Variants in NIPA1 observed in about 807,000 individuals in gnomAD.
NIPA1 encodes magnesium transporter NIPA1.
In NIPA1, 13 loss-of-function variants were observed where a neutral mutation model predicts 23.9. The ratio of observed to expected loss-of-function variants is 0.54; its 90% confidence interval spans 0.35 to 0.87. The LOEUF (loss-of-function observed/expected upper bound fraction) is 0.87. NIPA1 is among the 40% of genes least tolerant of loss of function. The pLI is 0.01. For synonymous variants in NIPA1, 234 were observed against 202.9 expected, an observed-to-expected ratio of 1.15 and a Z score of -1.30; for missense variants, 362 against 429.7, an observed-to-expected ratio of 0.84 and a Z score of 1.39.
chr15:22,809,933 C>G (rs1463095067), intron 1 of NIPA1, among the ~76,000 whole-genome samples: 1 of 152,074 alleles, frequency 6.6e-6, no homozygotes, highest in Non-Finnish European at 1.5e-5. Flanking sequence ...ATCCCAGCTA[C>G]TAGGGAGGGT....
chr15:22,813,188 A>G (rs1479672193), intron 3 of NIPA1, among the ~76,000 whole-genome samples: 1 of 152,142 alleles, frequency 6.6e-6, no homozygotes, highest in Non-Finnish European at 1.5e-5. Flanking sequence ...CCGGGCTGGC[A>G]TGGAGTGAAG....
chr15:22,824,542 C>A lies in NIPA1; in HGVS notation c.*303C>A. ...ATTCTCTTCTTTTAAAACATTTTAA[C>A]ATTATTTAAACAGAAAAAGATGGGC... On this transcript the variant is annotated 3_prime_UTR_variant, in exon 5 of 5. Transcript: ENST00000337435. The surrounding 1 kb of genome is among the most constrained non-coding windows in gnomAD (Gnocchi z 4.1). 1 of 377,040 alleles carries A rather than the reference C, an allele frequency of 2.7e-6. No individual in the cohort carries two copies. Among genetic ancestry groups the A allele is most frequent in the South Asian group, 2.8e-5 (1 of 35,786 alleles). The allele number at this position is 377,040 out of a possible 1,614,324, so 23.4% of individuals were successfully genotyped here.
chr15:22,819,618 T>A (rs1895495262), intron 3 of NIPA1, among the ~76,000 whole-genome samples: 1 of 152,230 alleles, frequency 6.6e-6, no homozygotes, highest in African/African-American at 2.4e-5. Context: ...CTATTAGCAT[T>A]TTTATTTTTT....
intron 1 of NIPA1, among the ~76,000 whole-genome samples, chr15:22,797,045 T>TC (rs1449890898): frequency 6.9e-6 from 1 of 144,996 alleles, no homozygotes; most frequent in Non-Finnish European, 1.5e-5. Flanking sequence ...TGAGGTTTCT[T>TC]TTTTTTTTTT....
intron 1 of NIPA1, among the ~76,000 whole-genome samples, chr15:22,806,956 G>A (rs1436478262): frequency 1.3e-5 from 2 of 152,128 alleles, no homozygotes; most frequent in Admixed American, 6.5e-5. Context: ...GTATGGGACA[G>A]GTACCTGGAT....
chr15:22,812,278 A>AT, intron 3 of NIPA1, 25 bp downstream of exon 3: 2 of 1,504,468 alleles, frequency 1.3e-6, no homozygotes, highest in Non-Finnish European at 9.3e-7. Flanking sequence ...TGTGTTTGGT[A>AT]TTTAATGTGT....
At position 22,788,781 on chromosome 15, in the gene NIPA1, C is replaced by T. The variant is rs192183200; in HGVS notation, c.178+1947C>T. 4.7e-5 allele frequency among the ~76,000 whole-genome samples: 7 copies of T among 149,262 alleles called. No homozygotes were observed. In the South Asian group the frequency reaches 1.1e-3, roughly 23 times the overall value. The stretch of plus-strand genomic sequence containing the variant: ...TAAAAAAAACATGATAAGCTGGGTG[C>T]AGTGGCTCACACCTGTAATCCCAGC... On this transcript the variant is annotated intron_variant, in intron 1 of 4. Transcript: ENST00000337435.
rs780182817 is a variant in NIPA1, at chr15:22,829,571, G to T, written c.*5332G>T. ...ATGTAAAAAATGTCAAATGTTGATTGGTTGTGTAAAAGTTTTGTCATAGAC... is the reference window on the plus strand; with the variant it reads ...ATGTAAAAAATGTCAAATGTTGATTTGTTGTGTAAAAGTTTTGTCATAGAC... On this transcript the variant is annotated 3_prime_UTR_variant, in exon 5 of 5. Transcript: ENST00000337435. 2.6e-5 allele frequency: 4 copies of T among 152,112 alleles called. No individual in the cohort carries two copies. Among genetic ancestry groups the T allele is most frequent in the Non-Finnish European group, 5.9e-5 (4 of 68,012 alleles). The allele number at this position is 152,112 out of a possible 1,614,324, so 9.4% of individuals were successfully genotyped here.
At chr15:22,793,446 T>A (rs553511045) in intron 1 of NIPA1, among the ~76,000 whole-genome samples, 1 of 152,142 alleles carries the variant, frequency 6.6e-6, no homozygotes, top group South Asian at 2.1e-4. Context: ...AGCTTCTTTT[T>A]TTTTATTTTT....
At chr15:22,794,832 G>A (rs1894908530) in intron 1 of NIPA1, among the ~76,000 whole-genome samples, 1 of 152,126 alleles carries the variant, frequency 6.6e-6, no homozygotes, top group Non-Finnish European at 1.5e-5. Context: ...CCTGACATGA[G>A]GTCATTGCCC....
In NIPA1 at chr15:22,824,015, G is replaced by A. The variant is rs1566789230; in HGVS notation, c.766G>A (p.Asp256Asn). The A allele has an allele frequency of 6.2e-6, 10 of 1,614,108 alleles. No individual in the cohort carries two copies. The highest frequency in any genetic ancestry group is 8.5e-6 in the Non-Finnish European group (10 of 1,179,976). Residue 256 changes from aspartate to asparagine, a missense_variant, in exon 5 of 5, where the codon GAC becomes AAC. Physicochemically the swap from Asp to Asn is conservative, Grantham distance 23. This residue lies in a region of NIPA1 where 277 missense variants were observed against 372.0 expected (regional missense o/e 0.74). Coordinates refer to ENST00000337435, the MANE Select transcript of NIPA1 (RefSeq NM_144599.5). This position sits in a 1 kb window ranked among gnomAD's most constrained non-coding sequence, Gnocchi z 4.1. Reference protein sequence around the residue: ...RYINKALECFDSSVFGAIYYV... With the variant: ...RYINKALECFNSSVFGAIYYV... The stretch of plus-strand genomic sequence containing the variant: ...CATCAACAAGGCGCTGGAGTGCTTC[G>A]ACTCCTCGGTGTTCGGGGCCATCTA...
intron 1 of NIPA1, among the ~76,000 whole-genome samples, chr15:22,801,080 A>G (rs1895067663): frequency 2.7e-5 from 4 of 150,622 alleles, no homozygotes; most frequent in Non-Finnish European, 4.4e-5. Flanking sequence ...AGCTCAAGAA[A>G]AAAAAAAAAA....
At chr15:22,820,169 C>T in intron 3 of NIPA1, 144 bp from the exon 4 acceptor site, 1 of 633,986 alleles carries the variant, frequency 1.6e-6, no homozygotes, top group Admixed American at 2.4e-5. Flanking sequence ...TGCACTCCAG[C>T]CTGGGCAACA....
At chr15:22,821,332 T>C (rs895987633) in intron 4 of NIPA1, among the ~76,000 whole-genome samples, 9 of 152,220 alleles carry the variant, frequency 5.9e-5, no homozygotes, top group Non-Finnish European at 1.3e-4. Context: ...AAAGTATAGA[T>C]TTCACTTTAA....
At chr15:22,804,364 A>C (rs1403646426) in intron 1 of NIPA1, among the ~76,000 whole-genome samples, 4 of 147,946 alleles carry the variant, frequency 2.7e-5, no homozygotes, top group Non-Finnish European at 6.0e-5. Flanking sequence ...CTCGTGATCC[A>C]CCCGCCCCGG....
chr15:22,810,116 T>C (rs181613817), intron 1 of NIPA1, among the ~76,000 whole-genome samples: 3 of 152,058 alleles, frequency 2.0e-5, no homozygotes, highest in Admixed American at 6.5e-5. Flanking sequence ...TTGGGAGACC[T>C]CTCACCATAC....
At chr15:22,792,919 G>C (rs986725574) in intron 1 of NIPA1, among the ~76,000 whole-genome samples, 26 of 151,824 alleles carry the variant, frequency 1.7e-4, no homozygotes, top group African/African-American at 6.3e-4. Context: ...GCGCCATTGC[G>C]CTCCAGCCTC....
At chr15:22,810,694 A>T in intron 1 of NIPA1, 55 bp from the exon 2 acceptor site, 1 of 1,013,040 alleles carries the variant, frequency 9.9e-7, no homozygotes, top group Non-Finnish European at 1.6e-6. Flanking sequence ...CCTCTTCCTG[A>T]TATACGTAGC....
In NIPA1 at chr15:22,810,953, A is replaced by G. The variant is rs1461522182; in HGVS notation, c.226+157A>G. 4 of 706,502 alleles carry G rather than the reference A, an allele frequency of 5.7e-6. No homozygotes were observed. The African/African-American group carries it at 7.0e-5, about 12-fold the overall frequency. 43.8% of individuals were successfully genotyped at this position (706,502 alleles called of 1,614,324 possible). On this transcript the variant is annotated intron_variant, in intron 2 of 4. Transcript: ENST00000337435. The stretch of plus-strand genomic sequence containing the variant: ...GCCCTAAGCGTGCCTTTCAGTTCGG[A>G]TGTCCCTGCCTCCCCAGGGCACTCT...
Sources: allele counts gnomAD v4.1 joint callset (sites outside exome capture counted in the v4.1 genomes callset), GRCh38; gene constraint gnomAD v4.1.1; regional missense constraint gnomAD v4.1.1; non-coding constraint Gnocchi (gnomAD v3.1); transcripts MANE v1.5; gene names NCBI Gene and HGNC (gene_info 2026-07-23, HGNC 2026-07-21).